RAB28: variants seen among roughly 807,000 people sequenced by gnomAD.
RAB28 encodes the protein ras-related protein Rab-28.
RAB28 carries 24 observed loss-of-function variants against 31.7 expected under a neutral mutation model. The observed-to-expected ratio is 0.76, with a 90% CI of 0.55 to 1.06. The LOEUF (loss-of-function observed/expected upper bound fraction) is 1.06, where lower values mean the gene tolerates loss of function less well. Among genes scored for constraint, RAB28 ranks in the 50% least tolerant of loss-of-function variants. The pLI, the probability that RAB28 is intolerant of heterozygous loss-of-function variation, is 0.00. For missense variants in RAB28, 254 were observed against 258.5 expected (o/e 0.98, Z 0.12); for synonymous variants, 100 against 90.4 (o/e 1.11, Z -0.60).
rs775839169 is a variant in RAB28, at chr4:13,368,521, G to C, written c.*37C>G. ...GTCCTCGGGCCCACCCAGAGGTGAAGGGCAGCCAGAACTATCAACACAAAA... is the reference window on the plus strand; with the variant it reads ...GTCCTCGGGCCCACCCAGAGGTGAACGGCAGCCAGAACTATCAACACAAAA... On this transcript the variant is annotated 3_prime_UTR_variant, in exon 7 of 7. Transcript: ENST00000330852. 1 of 1,586,384 alleles carries C rather than the reference G, an allele frequency of 6.3e-7. No individual in the cohort carries two copies. The highest frequency in any genetic ancestry group is 1.4e-5 in the African/African-American group (1 of 72,742).
chr4:13,453,618 C>T (rs779540255), intron 4 of RAB28, among the ~76,000 whole-genome samples: 7 of 151,606 alleles, frequency 4.6e-5, no homozygotes, highest in Non-Finnish European at 7.4e-5. Flanking sequence ...TCTTGGCTGA[C>T]GGGTTTTTTT....
At chr4:13,399,927 T>C (rs909486631) in intron 4 of RAB28, among the ~76,000 whole-genome samples, 6 of 152,202 alleles carry the variant, frequency 3.9e-5, no homozygotes, top group Admixed American at 3.9e-4. Flanking sequence ...TTAGCAATTA[T>C]GTATTGTTTA....
At chr4:13,425,126 A>T (rs149410614) in intron 4 of RAB28, among the ~76,000 whole-genome samples, 197 of 152,312 alleles carry the variant, frequency 1.3e-3, no homozygotes, top group African/African-American at 4.5e-3. Context: ...GCAGCATTTG[A>T]CATATTGAAT....
chr4:13,478,854 A>G (rs1475004727), intron 2 of RAB28, among the ~76,000 whole-genome samples: 2 of 151,632 alleles, frequency 1.3e-5, no homozygotes, highest in Admixed American at 6.6e-5. Flanking sequence ...GTTTCTTTGC[A>G]TGGTGAAGTG....
At chr4:13,471,282 T>C (rs965032911) in intron 3 of RAB28, among the ~76,000 whole-genome samples, 1 of 152,058 alleles carries the variant, frequency 6.6e-6, no homozygotes, top group East Asian at 1.9e-4. Flanking sequence ...ATATTGAGCT[T>C]ATTAAAATGC....
At chr4:13,391,492 T>C (rs1193569634) in intron 4 of RAB28, among the ~76,000 whole-genome samples, 1 of 152,206 alleles carries the variant, frequency 6.6e-6, no homozygotes, top group Non-Finnish European at 1.5e-5. Context: ...TGGAAGACAG[T>C]ATGGCGATTC....
chr4:13,480,770 C>T (rs1458191249), intron 1 of RAB28, among the ~76,000 whole-genome samples: 1 of 151,934 alleles, frequency 6.6e-6, no homozygotes, highest in Non-Finnish European at 1.5e-5. Context: ...TTCTGCTAGA[C>T]ATCTAGAAAC....
intron 4 of RAB28, among the ~76,000 whole-genome samples, chr4:13,441,868 C>T (rs1015889178): frequency 6.6e-5 from 10 of 152,180 alleles, no homozygotes; most frequent in Non-Finnish European, 1.3e-4. Context: ...TGGGTTAATG[C>T]TAATTAACTG....
intron 4 of RAB28, among the ~76,000 whole-genome samples, chr4:13,433,210 A>G (rs1713911915): frequency 6.6e-6 from 1 of 151,746 alleles, no homozygotes; most frequent in African/African-American, 2.4e-5. Flanking sequence ...TAAACCAACA[A>G]CAGTTCAAAA....
intron 4 of RAB28, among the ~76,000 whole-genome samples, chr4:13,413,334 A>G (rs1446364493): frequency 6.6e-6 from 1 of 152,244 alleles, no homozygotes; most frequent in African/African-American, 2.4e-5. Flanking sequence ...TCAATACTGA[A>G]AAACAGCATG....
chr4:13,476,417 C>G (rs916528164), intron 2 of RAB28, among the ~76,000 whole-genome samples: 3 of 151,300 alleles, frequency 2.0e-5, no homozygotes, highest in African/African-American at 7.3e-5. Flanking sequence ...ATAAAAATAG[C>G]TATGAATTAC....
chr4:13,427,546 C>T (rs1357137716), intron 4 of RAB28, among the ~76,000 whole-genome samples: 1 of 152,146 alleles, frequency 6.6e-6, no homozygotes, highest in Non-Finnish European at 1.5e-5. Flanking sequence ...TTAGTGGAAA[C>T]ACATGGGATT....
intron 4 of RAB28, among the ~76,000 whole-genome samples, chr4:13,420,694 C>T (rs1425830495): frequency 6.6e-6 from 1 of 152,132 alleles, no homozygotes. Flanking sequence ...AAGGCCTTGA[C>T]AGAATTCAAC....
intron 4 of RAB28, among the ~76,000 whole-genome samples, chr4:13,402,302 T>C (rs977061166): frequency 6.6e-6 from 1 of 152,234 alleles, no homozygotes; most frequent in Non-Finnish European, 1.5e-5. Context: ...CTCAGTCTAC[T>C]TGTTACACCA....
rs150726346 is a variant in RAB28, at chr4:13,385,639, A to C, written c.392-4045T>G. ...TTTTCAGACAAGCAAATGCTCAGGG[A>C]ATTCTTAGCAGACCTGGCTTACAAG... On this transcript the variant is annotated intron_variant, in intron 4 of 6. Coordinates refer to ENST00000330852, the MANE Select transcript of RAB28 (RefSeq NM_001017979.3). 3.9e-4 allele frequency among the ~76,000 whole-genome samples: 59 copies of C among 152,320 alleles called. No individual in the cohort carries two copies. The East Asian group carries it at 6.6e-3, about 17-fold the overall frequency.
intron 4 of RAB28, among the ~76,000 whole-genome samples, chr4:13,391,105 A>G (rs1214553290): frequency 6.6e-6 from 1 of 152,224 alleles, no homozygotes; most frequent in Non-Finnish European, 1.5e-5. Context: ...AACTACCATC[A>G]GAGTGAACAG....
intron 4 of RAB28, among the ~76,000 whole-genome samples, chr4:13,429,020 C>A (rs1161219292): frequency 6.6e-6 from 1 of 150,876 alleles, no homozygotes; most frequent in Non-Finnish European, 1.5e-5. Flanking sequence ...TCTCAGCTCA[C>A]TGCAACCTCC....
chr4:13,374,757 C>T (rs1728854734), intron 6 of RAB28, among the ~76,000 whole-genome samples: 1 of 152,072 alleles, frequency 6.6e-6, no homozygotes, highest in Non-Finnish European at 1.5e-5. Context: ...GTAGCAGTAA[C>T]TCAGTCTCCT....
intron 4 of RAB28, among the ~76,000 whole-genome samples, chr4:13,392,581 C>T (rs1729687244): frequency 6.6e-6 from 1 of 152,302 alleles, no homozygotes; most frequent in Admixed American, 6.5e-5. Context: ...TCTCCAACAG[C>T]GTGCAAGCAT....
Sources: gnomAD v4.1 joint callset for allele counts (sites outside exome capture counted in the v4.1 genomes callset) on GRCh38, gnomAD v4.1.1 for gene constraint, MANE v1.5 for transcripts, NCBI Gene and HGNC (gene_info 2026-07-23, HGNC 2026-07-21) for gene names.